Variants in DGUOK observed in about 807,000 individuals in gnomAD.
DGUOK encodes deoxyguanosine kinase, mitochondrial.
In DGUOK, 30 loss-of-function variants were observed where a neutral mutation model predicts 36.6. The observed-to-expected ratio is 0.82, with a 90% CI of 0.61 to 1.11. The LOEUF is 1.11. Among genes scored for constraint, DGUOK ranks in the 50% most tolerant of loss-of-function variants. The pLI is 0.00. For missense variants in DGUOK, 361 were observed against 336.4 expected, an observed-to-expected ratio of 1.07 and a Z score of -0.57; for synonymous variants, 145 against 126.3, an observed-to-expected ratio of 1.15 and a Z score of -0.99.
intron 1 of DGUOK, among the ~76,000 whole-genome samples, chr2:73,930,517 A>C (rs1438047383): frequency 6.6e-6 from 1 of 152,222 alleles, no homozygotes; most frequent in African/African-American, 2.4e-5. Context: ...AATCCCAGAG[A>C]GAGAACAGGG....
At chr2:73,946,683 C>G (rs367550768) in intron 2 of DGUOK, 36 bp from the exon 3 acceptor site, 18 of 1,603,816 alleles carry the variant, frequency 1.1e-5, no homozygotes, top group African/African-American at 2.7e-5. Flanking sequence ...AATATGCTTT[C>G]TAGGAAATTT....
chr2:73,958,363 T>C (rs1683288214), intron 6 of DGUOK, 118 bp downstream of exon 6: 1 of 787,600 alleles, frequency 1.3e-6, no homozygotes, highest in Non-Finnish European at 2.2e-6. Context: ...CACATTGCAT[T>C]TCACACTCCA....
chr2:73,937,475 G>A (rs1483977426), intron 1 of DGUOK, among the ~76,000 whole-genome samples: 2 of 152,218 alleles, frequency 1.3e-5, no homozygotes, highest in Non-Finnish European at 2.9e-5. Flanking sequence ...TCTTGAGCAT[G>A]GAGGTGGGAA....
chr2:73,944,692 G>A (rs929465273), intron 2 of DGUOK, among the ~76,000 whole-genome samples: 1 of 152,140 alleles, frequency 6.6e-6, no homozygotes, highest in Non-Finnish European at 1.5e-5. Context: ...AATTGTGTTG[G>A]TTTCTTTTAC....
intron 2 of DGUOK, among the ~76,000 whole-genome samples, chr2:73,945,446 C>T (rs1419144134): frequency 6.6e-6 from 1 of 152,182 alleles, no homozygotes; most frequent in Non-Finnish European, 1.5e-5. Flanking sequence ...GTCCCTTCAA[C>T]ATTTACTCGC....
At chr2:73,958,507 G>T (rs1164164288) in intron 6 of DGUOK, among the ~76,000 whole-genome samples, 4 of 152,098 alleles carry the variant, frequency 2.6e-5, no homozygotes, top group African/African-American at 4.8e-5. Context: ...CTAAAACTAG[G>T]GAAATGAGAC....
At chr2:73,946,686 G>T in intron 2 of DGUOK, 33 bp from the exon 3 acceptor site, 1 of 1,608,194 alleles carries the variant, frequency 6.2e-7, no homozygotes, top group Non-Finnish European at 8.5e-7. Context: ...ATGCTTTCTA[G>T]GAAATTTTCT....
rs767604650 is a variant in DGUOK at position 73,946,815 on chromosome 2, C to T, written c.352C>T (p.Arg118Cys). The T allele has an allele frequency of 3.7e-6, 6 of 1,613,976 alleles. No individual in the cohort carries two copies. The highest frequency in any genetic ancestry group is 2.2e-5 in the East Asian group (1 of 44,880). The change falls in exon 3 of 7, where the codon CGC becomes TGC. Residue 118 changes from arginine to cysteine, a missense_variant. Arg to Cys is a radical substitution (Grantham distance 180, BLOSUM62 -3). Coordinates refer to ENST00000264093, the MANE Select transcript of DGUOK (RefSeq NM_080916.3). ...ATTCCAGACATTTTCCTTTTTGAGC[C>T]GCCTGAAAGTACAGCTGGAGCCCTT... ...YTFQTFSFLS[R>C]LKVQLEPFPE...
chr2:73,955,047 A>G (rs774230331), intron 4 of DGUOK, among the ~76,000 whole-genome samples: 1 of 152,166 alleles, frequency 6.6e-6, no homozygotes, highest in Admixed American at 6.5e-5. Context: ...TCCCCACTCA[A>G]TACTGCCACC....
At chr2:73,929,497 G>T (rs2104857066) in intron 1 of DGUOK, among the ~76,000 whole-genome samples, 1 of 152,322 alleles carries the variant, frequency 6.6e-6, no homozygotes, top group South Asian at 2.1e-4. Context: ...GGTCTCCCCG[G>T]ACTGGAGCTG....
intron 4 of DGUOK, among the ~76,000 whole-genome samples, chr2:73,956,906 C>T (rs1010506372): frequency 5.3e-5 from 8 of 152,122 alleles, no homozygotes; most frequent in Non-Finnish European, 1.0e-4. Context: ...CATCATTAAC[C>T]GACTTAGGAT....
chr2:73,932,603 A>G (rs1481090648), intron 1 of DGUOK: 1 of 1,297,270 alleles, frequency 7.7e-7, no homozygotes, highest in Non-Finnish European at 1.0e-6. Context: ...CACAGGTAAC[A>G]TCCTCAAGCA....
intron 1 of DGUOK, among the ~76,000 whole-genome samples, chr2:73,936,825 C>T (rs1020584076): frequency 1.3e-5 from 2 of 152,134 alleles, no homozygotes; most frequent in Admixed American, 6.5e-5. Flanking sequence ...AACACAATGA[C>T]AATTGCAGTG....
chr2:73,934,034 G>C (rs1681263995), intron 1 of DGUOK, among the ~76,000 whole-genome samples: 1 of 152,106 alleles, frequency 6.6e-6, no homozygotes, highest in African/African-American at 2.4e-5. Context: ...TCTTGTTCAG[G>C]AGATGAAAAT....
intron 4 of DGUOK, among the ~76,000 whole-genome samples, chr2:73,953,377 T>G (rs566723161): frequency 1.3e-3 from 202 of 151,870 alleles, no homozygotes; most frequent in African/African-American, 4.6e-3. Flanking sequence ...TGGAGTAGAA[T>G]GAGAAGAGTT....
In DGUOK at chr2:73,950,509, T is replaced by TTCTC. The variant is rs140339626; in HGVS notation, c.444-65_444-62dup. On this transcript the variant is annotated intron_variant, in intron 3 of 6. Transcript: ENST00000264093. ...ACAAGTTGGTTATTGATTTTTCTGCTTCTCTCTCTCTCTCGTGCCTTTCAT... is the reference window on the plus strand; with the variant it reads ...ACAAGTTGGTTATTGATTTTTCTGCTTCTCTCTCTCTCTCTCTCGTGCCTTTCAT... 2.0e-6 allele frequency: 3 copies of TTCTC among 1,479,080 alleles called. No homozygotes were observed. Among genetic ancestry groups the TTCTC allele is most frequent in the Non-Finnish European group, 2.8e-6 (3 of 1,061,174 alleles). 91.6% of individuals were successfully genotyped at this position (1,479,080 alleles called of 1,614,324 possible).
intron 1 of DGUOK, among the ~76,000 whole-genome samples, chr2:73,934,738 G>T (rs1463820895): frequency 2.2e-5 from 3 of 139,080 alleles, no homozygotes; most frequent in African/African-American, 5.2e-5. Context: ...CTGGGCAATA[G>T]AGCAAGACTC....
chr2:73,937,547 T>A (rs1423241723), intron 1 of DGUOK, among the ~76,000 whole-genome samples: 1 of 152,184 alleles, frequency 6.6e-6, no homozygotes, highest in Non-Finnish European at 1.5e-5. Flanking sequence ...TGGTGGCCAC[T>A]GAGGTTTGGC....
intron 6 of DGUOK, 45 bp downstream of exon 6, chr2:73,958,290 G>A: frequency 1.3e-6 from 2 of 1,490,956 alleles, no homozygotes; most frequent in South Asian, 1.1e-5. Flanking sequence ...TTCCTTTGTT[G>A]TACTTTTATC....
Sources: gnomAD v4.1 joint callset for allele counts (sites outside exome capture counted in the v4.1 genomes callset) on GRCh38, gnomAD v4.1.1 for gene constraint, MANE v1.5 for transcripts, NCBI Gene and HGNC (gene_info 2026-07-23, HGNC 2026-07-21) for gene names.